The following MYCBP2 variants were observed in gnomAD, a reference collection of about 807,000 sequenced individuals.
MYCBP2 encodes E3 ubiquitin-protein ligase MYCBP2.
MYCBP2 carries 120 observed loss-of-function variants against 525.3 expected under a neutral mutation model. That is an observed-to-expected ratio of 0.23 (90% CI 0.20 to 0.27). The LOEUF (loss-of-function observed/expected upper bound fraction) is 0.27. Among genes scored for constraint, MYCBP2 ranks in the 10% least tolerant of loss-of-function variants. MYCBP2 has a pLI of 1.00. For synonymous variants in MYCBP2, 1,894 were observed against 1,955.8 expected (o/e 0.97, Z 0.83); for missense variants, 4,149 against 5,657.1 (o/e 0.73, Z 8.55).
chr13:77,078,269 C>T (rs1359196804), intron 66 of MYCBP2, among the ~76,000 whole-genome samples: 1 of 152,152 alleles, frequency 6.6e-6, no homozygotes. Context: ...GATTGGCCAA[C>T]TTTTTGTGAG....
chr13:77,117,398 T>C (rs945687983), intron 55 of MYCBP2, among the ~76,000 whole-genome samples: 2 of 152,220 alleles, frequency 1.3e-5, no homozygotes, highest in Admixed American at 1.3e-4. Flanking sequence ...ACCCTTTACC[T>C]AAGGTGGATA....
Position 77,097,496 on chromosome 13 carries a change from T to C in MYCBP2, c.9658A>G (p.Arg3220Gly). 1 of 1,613,132 alleles carries C rather than the reference T, an allele frequency of 6.2e-7. No individual in the cohort carries two copies. Among genetic ancestry groups the C allele is most frequent in the South Asian group, 1.1e-5 (1 of 91,028 alleles). The change falls in exon 56 of 83, where the codon AGG becomes GGG. Residue 3220 changes from arginine to glycine, a missense_variant. By Grantham distance (125) the Arg-to-Gly change is moderately radical. Coordinates refer to ENST00000544440, the MANE Select transcript of MYCBP2 (RefSeq NM_015057.5). ...GCCATCTCTCCAAACAAATTACCCC[T>C]GGGCCTAACTTCTGCCTTTTCTTTT... ...KKKEKAEVRPRGNLFGEMAQL... is the reference protein window; with the variant it reads ...KKKEKAEVRPGGNLFGEMAQL...
chr13:77,326,783 G>A lies in MYCBP2; in HGVS notation c.-8C>T. On this transcript the variant is annotated 5_prime_UTR_variant, in exon 1 of 83. Coordinates refer to ENST00000544440, the MANE Select transcript of MYCBP2 (RefSeq NM_015057.5). This position sits in a 1 kb window ranked among gnomAD's most constrained non-coding sequence, Gnocchi z 4.2. ...CGCTGCGCACATCATCATCCTCGCC[G>A]CCGCCGCCGCCGCCGCCGCCTCGTC... 2.2e-6 allele frequency: 3 copies of A among 1,395,300 alleles called. No homozygotes were observed. Among genetic ancestry groups the A allele is most frequent in the South Asian group, 3.2e-5 (2 of 62,276 alleles). 86.4% of individuals were successfully genotyped at this position (1,395,300 alleles called of 1,614,324 possible).
At chr13:77,268,744 A>C (rs1421605111) in intron 7 of MYCBP2, among the ~76,000 whole-genome samples, 1 of 152,054 alleles carries the variant, frequency 6.6e-6, no homozygotes, top group Non-Finnish European at 1.5e-5. Context: ...ACGCCACTGC[A>C]TTCCAGCCTC....
chr13:77,182,077 A>G (rs1350389040), intron 32 of MYCBP2, among the ~76,000 whole-genome samples, 155 bp from the exon 33 acceptor site: 1 of 152,190 alleles, frequency 6.6e-6, no homozygotes, highest in African/African-American at 2.4e-5. Context: ...ATAATACTAC[A>G]TCTATATATT....
Position 77,088,900 on chromosome 13 carries a change from G to T in MYCBP2, c.10657C>A (p.Leu3553Ile). The T allele has an allele frequency of 6.2e-7, 1 of 1,613,288 alleles. No homozygotes were observed. Among genetic ancestry groups the T allele is most frequent in the Non-Finnish European group, 8.5e-7 (1 of 1,179,554 alleles). ...VLAFVIQHHD[L>I]EGLEIAMKQA... ...TTCATTGCTATTTCAAGACCTTCTA[G>T]ATCATGATGTTGTATAACAAAAGCT... Residue 3553 changes from leucine to isoleucine, a missense_variant, in exon 61 of 83, where the codon CTA becomes ATA. Leu to Ile is a conservative substitution (Grantham distance 5). Coordinates refer to ENST00000544440, the MANE Select transcript of MYCBP2 (RefSeq NM_015057.5).
intron 14 of MYCBP2, among the ~76,000 whole-genome samples, chr13:77,256,135 T>C (rs2072147280): frequency 6.6e-6 from 1 of 152,072 alleles, no homozygotes; most frequent in Non-Finnish European, 1.5e-5. Context: ...GTCTACAATT[T>C]AGTCTTTTCT....
Position 77,045,270 on chromosome 13 carries a change from GGAT to G in MYCBP2, c.*105_*107del. On this transcript the variant is annotated 3_prime_UTR_variant, in exon 83 of 83. Coordinates refer to ENST00000544440, the MANE Select transcript of MYCBP2 (RefSeq NM_015057.5). ...TGCACTGTGAATGGTTCATTTTCAT[GGAT>G]GTAAAAATGGTCCCGTCCTTATCCT... 2 of 636,022 alleles carry G rather than the reference GGAT, an allele frequency of 3.1e-6. No homozygotes were observed. Among genetic ancestry groups the G allele is most frequent in the Non-Finnish European group, 5.6e-6 (2 of 359,824 alleles). The allele number at this position is 636,022 out of a possible 1,614,324, so 39.4% of individuals were successfully genotyped here. A position where few individuals can be genotyped will look rare whatever the true frequency, so the allele number is the denominator to read the frequency against.
chr13:77,304,227 C>T (rs1015522028), intron 1 of MYCBP2, among the ~76,000 whole-genome samples: 7 of 152,128 alleles, frequency 4.6e-5, no homozygotes, highest in Non-Finnish European at 8.8e-5. Flanking sequence ...AATCAACCTA[C>T]GTTTCCATGA....
chr13:77,243,760 A>T, intron 16 of MYCBP2, 46 bp downstream of exon 16: 1 of 1,546,174 alleles, frequency 6.5e-7, no homozygotes, highest in Non-Finnish European at 8.8e-7. Context: ...AGACTTACTG[A>T]GTTGAGGACA....
intron 17 of MYCBP2, among the ~76,000 whole-genome samples, chr13:77,241,982 A>T (rs2068914903): frequency 6.6e-6 from 1 of 152,226 alleles, no homozygotes; most frequent in East Asian, 1.9e-4. Flanking sequence ...TATTGGAGGA[A>T]TAAAATCATA....
In MYCBP2 at chr13:77,326,910, A is replaced by C; in HGVS notation, c.-135T>G. 1.0e-5 allele frequency: 8 copies of C among 775,720 alleles called. No homozygotes were observed. The highest frequency in any genetic ancestry group is 1.5e-5 in the Non-Finnish European group (8 of 550,624). 48.1% of individuals were successfully genotyped at this position (775,720 alleles called of 1,614,324 possible). ...TGGCTCCCGCAGCAGGGAGACTACA[A>C]AGACAGCGACCTCCTTCTCCTCCTC... is the stretch of plus-strand genomic sequence containing the variant. On this transcript the variant is annotated 5_prime_UTR_variant, in exon 1 of 83. Transcript: ENST00000544440. This position sits in a 1 kb window ranked among gnomAD's most constrained non-coding sequence, Gnocchi z 4.2.
intron 46 of MYCBP2, among the ~76,000 whole-genome samples, chr13:77,154,647 C>A (rs1366135922): frequency 6.6e-6 from 1 of 152,118 alleles, no homozygotes; most frequent in Admixed American, 6.5e-5. Context: ...AAAACTTAAT[C>A]TTGAGGGTTC....
chr13:77,055,324 T>C (rs1478988023), intron 80 of MYCBP2, among the ~76,000 whole-genome samples: 1 of 152,168 alleles, frequency 6.6e-6, no homozygotes, highest in African/African-American at 2.4e-5. Flanking sequence ...GGGAAGCAGC[T>C]TGTATACAGA....
At chr13:77,122,607 A>G (rs9600818) in intron 54 of MYCBP2, among the ~76,000 whole-genome samples, 7,672 of 150,398 alleles carry the variant, frequency 0.051, 328 homozygotes, top group African/African-American at 0.11. Context: ...GGAGAATGGC[A>G]TGAACCTGGG....
chr13:77,180,214 T>C lies in MYCBP2; in HGVS notation c.5046A>G (p.Glu1682=). The C allele has an allele frequency of 6.2e-7, 1 of 1,613,668 alleles. No homozygotes were observed. Among genetic ancestry groups the C allele is most frequent in the Non-Finnish European group, 8.5e-7 (1 of 1,179,738 alleles). Residue 1682 remains glutamate (E), a synonymous_variant, in exon 34 of 83, where the codon GAA becomes GAG. Coordinates refer to ENST00000544440, the MANE Select transcript of MYCBP2 (RefSeq NM_015057.5). ...PVRNSLRREN[E]LFSSHLVSNT... is the part of the protein sequence containing the mutation. ...TAGAGACGAGGTGGGAGGAGAAGAG[T>C]TCATTTTCTCTCCTCAGGCTGTTCC...
At chr13:77,306,518 A>G (rs890348864) in intron 1 of MYCBP2, among the ~76,000 whole-genome samples, 1 of 152,174 alleles carries the variant, frequency 6.6e-6, no homozygotes, top group Non-Finnish European at 1.5e-5. Flanking sequence ...TACCTTGGCA[A>G]TGGGCAGAGC....
Position 77,326,190 on chromosome 13 carries a change from C to CATCACAGG in MYCBP2, c.302+276_302+283dup, listed in dbSNP as rs912366493. ...CGACCAGCACCATCGCCTTTTCCAG[C>CATCACAGG]ATCACAGGTTCCCCTACCACCCCTC... On this transcript the variant is annotated intron_variant, in intron 1 of 82. Coordinates refer to ENST00000544440, the MANE Select transcript of MYCBP2 (RefSeq NM_015057.5). The surrounding 1 kb of genome is among the most constrained non-coding windows in gnomAD (Gnocchi z 4.2). Among the ~76,000 whole-genome samples the CATCACAGG allele has an allele frequency of 6.6e-6, 1 of 151,156 alleles. No homozygotes were observed. Among genetic ancestry groups the CATCACAGG allele is most frequent in the African/African-American group, 2.4e-5 (1 of 41,122 alleles).
intron 81 of MYCBP2, among the ~76,000 whole-genome samples, chr13:77,051,597 G>A (rs531020119): frequency 1.3e-5 from 2 of 152,184 alleles, no homozygotes; most frequent in Middle Eastern, 3.4e-3. Flanking sequence ...TTTAACTATG[G>A]TGATCATTTC....
Sources: allele counts gnomAD v4.1 joint callset (sites outside exome capture counted in the v4.1 genomes callset), GRCh38; gene constraint gnomAD v4.1.1; non-coding constraint Gnocchi (gnomAD v3.1); transcripts MANE v1.5; gene names NCBI Gene and HGNC (gene_info 2026-07-23, HGNC 2026-07-21).